Variants in EP400 observed in about 807,000 individuals in gnomAD.
The protein encoded by EP400 is E1A-binding protein p400.
EP400 carries 105 observed loss-of-function variants against 354.1 expected under a neutral mutation model. The ratio of observed to expected loss-of-function variants is 0.30; its 90% confidence interval spans 0.25 to 0.35. The LOEUF is 0.35. Among genes scored for constraint, EP400 ranks in the 10% least tolerant of loss-of-function variants. The pLI is 1.00. For missense variants in EP400, 3,280 were observed against 4,121.0 expected, an observed-to-expected ratio of 0.80 and a Z score of 5.59; for synonymous variants, 1,646 against 1,716.9, an observed-to-expected ratio of 0.96 and a Z score of 1.02.
At chr12:131,986,416 T>C in intron 5 of EP400, 98 bp from the exon 6 acceptor site, 1 of 1,224,602 alleles carries the variant, frequency 8.2e-7, no homozygotes, top group Non-Finnish European at 1.1e-6. Context: ...GTGCTGGCAG[T>C]GCGCGTCTCT....
chr12:132,062,850 T>C lies in EP400; in HGVS notation c.8334+149T>C, dbSNP rs915523478. ...TTTATGTAGGACGCGTGCTTCGTTT[T>C]ATTGGTCTAAAATTTCCCATGTCAT... is the stretch of plus-strand genomic sequence containing the variant. On this transcript the variant is annotated intron_variant, in intron 47 of 52. Coordinates refer to ENST00000389561, the MANE Select transcript of EP400 (RefSeq NM_015409.5). The C allele has an allele frequency of 8.7e-6, 9 of 1,030,624 alleles. 1 individual carries two copies. Among genetic ancestry groups the C allele is most frequent in the Middle Eastern group, 5.2e-4 (2 of 3,858 alleles). 63.8% of individuals were successfully genotyped at this position (1,030,624 alleles called of 1,614,324 possible). A position where few individuals can be genotyped will look rare whatever the true frequency, so the allele number is the denominator to read the frequency against.
chr12:132,069,719 G>C, intron 51 of EP400, 78 bp downstream of exon 51: 1 of 1,577,660 alleles, frequency 6.3e-7, no homozygotes, highest in East Asian at 2.2e-5. Flanking sequence ...CGCGGGCTTT[G>C]CGAGCTCCCA....
chr12:132,001,826 TATG>T (rs1893425683), intron 12 of EP400, among the ~76,000 whole-genome samples: 2 of 152,358 alleles, frequency 1.3e-5, no homozygotes, highest in South Asian at 4.1e-4. Context: ...TTTCCTAGGT[TATG>T]ATTATAGAGC....
Position 132,032,042 on chromosome 12 carries a change from G to A in EP400, c.5844G>A (p.Glu1948=). The A allele has an allele frequency of 1.2e-6, 2 of 1,614,210 alleles. No individual in the cohort carries two copies. Among genetic ancestry groups the A allele is most frequent in the Non-Finnish European group, 1.7e-6 (2 of 1,180,046 alleles). The change falls in exon 30 of 53, where the codon GAG becomes GAA. Residue 1948 remains glutamate, a synonymous_variant. Coordinates refer to ENST00000389561, the MANE Select transcript of EP400 (RefSeq NM_015409.5). ...GTACCACAGGTATAAACCTTGTAGA[G>A]GCGGACACCGTCGTGTTTTATGACA... The part of the protein sequence containing the change: ...HSRTTGINLV[E]ADTVVFYDND...
intron 32 of EP400, among the ~76,000 whole-genome samples, chr12:132,043,080 A>G (rs1418277105): frequency 6.6e-6 from 1 of 152,248 alleles, no homozygotes; most frequent in Non-Finnish European, 1.5e-5. Flanking sequence ...ACTCGATAGT[A>G]AGGTTAGCAA....
In EP400 at chr12:132,017,322, G is replaced by T. The variant is rs1021310451; in HGVS notation, c.3924-213G>T. ...GCTGTCTTTCCGTCAGCTCTGGTGG[G>T]GCGGATGTCATTCTCAATGGGGATG... On this transcript the variant is annotated intron_variant, in intron 19 of 52. Transcript: ENST00000389561. The surrounding 1 kb of genome is among the most constrained non-coding windows in gnomAD (Gnocchi z 5.0). Among the ~76,000 whole-genome samples the T allele has an allele frequency of 6.6e-6, 1 of 152,158 alleles. No homozygotes were observed. The highest frequency in any genetic ancestry group is 6.5e-5 in the Admixed American group (1 of 15,282).
At chr12:132,040,044 A>G (rs992940091) in intron 32 of EP400, among the ~76,000 whole-genome samples, 5 of 152,214 alleles carry the variant, frequency 3.3e-5, no homozygotes, top group Admixed American at 2.6e-4. Context: ...TGTCTCAAAG[A>G]TAAAATATGC....
chr12:132,036,208 C>T (rs543053639), intron 30 of EP400, among the ~76,000 whole-genome samples: 2 of 147,034 alleles, frequency 1.4e-5, no homozygotes, highest in East Asian at 4.1e-4. Context: ...TGGAAGCACA[C>T]AGCCAGGTTC....
intron 50 of EP400, chr12:132,068,905 T>A (rs2136617083): frequency 6.5e-6 from 1 of 152,944 alleles, no homozygotes; most frequent in East Asian, 1.9e-4. Flanking sequence ...TGAGCTGTGC[T>A]TGAGGGAGCA....
At position 132,029,976 on chromosome 12, in the gene EP400, A is replaced by T. The variant is rs753073914; in HGVS notation, c.5585-13A>T. 1.2e-6 allele frequency: 2 copies of T among 1,613,702 alleles called. No individual in the cohort carries two copies. The highest frequency in any genetic ancestry group is 8.5e-7 in the Non-Finnish European group (1 of 1,179,996). On this transcript the variant is annotated splice_polypyrimidine_tract_variant and intron_variant, in intron 28 of 52. Transcript: ENST00000389561. The surrounding 1 kb of genome is among the most constrained non-coding windows in gnomAD (Gnocchi z 4.7). The stretch of plus-strand genomic sequence containing the variant: ...TGGATGATGAGGCGCTCTTGATGTG[A>T]TTCGTTTCCCAGGGAAGTTGGAAGC...
chr12:131,963,456 G>A, intron 2 of EP400: 1 of 1,055,608 alleles, frequency 9.5e-7, no homozygotes, highest in Non-Finnish European at 1.4e-6. Context: ...TGAGCTATCA[G>A]CAATAAAATT....
Position 132,066,410 on chromosome 12 carries a change from G to A in EP400, c.8554-364G>A, listed in dbSNP as rs575285759. 4 of 221,696 alleles carry A rather than the reference G, an allele frequency of 1.8e-5. No homozygotes were observed. In the East Asian group the frequency reaches 6.0e-4, roughly 33 times the overall value. 13.7% of individuals were successfully genotyped at this position (221,696 alleles called of 1,614,324 possible). A position where few individuals can be genotyped will look rare whatever the true frequency, so the allele number is the denominator to read the frequency against. On this transcript the variant is annotated intron_variant, in intron 48 of 52. Coordinates refer to ENST00000389561, the MANE Select transcript of EP400 (RefSeq NM_015409.5). ...GAAGTGAGGGACAGGCTGATGTCGA[G>A]TGCTCGCTGAAGGAACAGGAAGTGA...
At chr12:132,023,992 C>A in intron 24 of EP400, 51 bp downstream of exon 24, 1 of 1,494,046 alleles carries the variant, frequency 6.7e-7, no homozygotes. Flanking sequence ...AAAAGCGCCT[C>A]ACCATGAGCC....
Position 132,066,947 on chromosome 12 carries a change from C to T in EP400, c.8727C>T (p.Ile2909=), listed in dbSNP as rs761229967. The T allele has an allele frequency of 1.2e-5, 20 of 1,602,198 alleles. No individual in the cohort carries two copies. The highest frequency in any genetic ancestry group is 2.3e-5 in the East Asian group (1 of 44,162). The change falls in exon 49 of 53, where the codon ATC becomes ATT. Residue 2909 remains isoleucine, a synonymous_variant. Coordinates refer to ENST00000389561, the MANE Select transcript of EP400 (RefSeq NM_015409.5). ...ACGTCGCGGGGATCAGCGTGGCGATCGGTCAGCCACAGAAGGCAGCAGGTG... is the reference window on the plus strand; with the variant it reads ...ACGTCGCGGGGATCAGCGTGGCGATTGGTCAGCCACAGAAGGCAGCAGGTG... ...PMNVAGISVA[I]GQPQKAAGQT...
In EP400 at chr12:132,018,012, A is replaced by G. The variant is rs1005275888; in HGVS notation, c.4111-198A>G. On this transcript the variant is annotated intron_variant, in intron 20 of 52. Coordinates refer to ENST00000389561, the MANE Select transcript of EP400 (RefSeq NM_015409.5). The surrounding 1 kb of genome is among the most constrained non-coding windows in gnomAD (Gnocchi z 4.0). The stretch of plus-strand genomic sequence containing the variant: ...GGCTGTGAGAAGTAGCTGAGCATGC[A>G]CGCTCATCAGCAGAGCTTCACCAAG... 1.3e-5 allele frequency among the ~76,000 whole-genome samples: 2 copies of G among 152,208 alleles called. No individual in the cohort carries two copies. The highest frequency in any genetic ancestry group is 6.5e-5 in the Admixed American group (1 of 15,282).
In EP400 at chr12:132,021,211, C is replaced by T. The variant is rs1341214745; in HGVS notation, c.4580C>T (p.Ser1527Phe). The change falls in exon 23 of 53, where the codon TCC becomes TTC. Residue 1527 changes from serine (S) to phenylalanine (F), a missense_variant. This residue lies in a region of EP400 where 342 missense variants were observed against 342.7 expected (regional missense o/e 1.00). Transcript: ENST00000389561. ...CGGGCCCAGACCACAGCACAGGCCT[C>T]CACCCCAGGCCAGCCCCCGCCCCAG... ...KLRAQTTAQA[S>F]TPGQPPPQPQ... 19 of 1,596,256 alleles carry T rather than the reference C, an allele frequency of 1.2e-5. No individual in the cohort carries two copies. Among genetic ancestry groups the T allele is most frequent in the Non-Finnish European group, 1.5e-5 (18 of 1,178,062 alleles).
At chr12:132,030,684 A>G (rs1894460114) in intron 29 of EP400, among the ~76,000 whole-genome samples, 1 of 152,224 alleles carries the variant, frequency 6.6e-6, no homozygotes, top group Admixed American at 6.5e-5. Context: ...AGGACCCTTT[A>G]CTTACATGAC....
rs1490912778 is a variant in EP400 at position 132,014,706 on chromosome 12, A to C, written c.3923+793A>C. ...CCACCTCAGCCTCAGCGTCCCTCAC[A>C]GGCACAGTCAGACACACTGGATCAG... is the stretch of plus-strand genomic sequence containing the variant. On this transcript the variant is annotated intron_variant, in intron 19 of 52. Coordinates refer to ENST00000389561, the MANE Select transcript of EP400 (RefSeq NM_015409.5). 2.6e-5 allele frequency among the ~76,000 whole-genome samples: 4 copies of C among 152,268 alleles called. No homozygotes were observed. The East Asian group carries it at 7.7e-4, about 29-fold the overall frequency.
chr12:132,036,787 T>C (rs148935493), intron 30 of EP400, among the ~76,000 whole-genome samples: 1,663 of 152,346 alleles, frequency 0.011, 32 homozygotes, highest in African/African-American at 0.038. Flanking sequence ...TAGATTTTCA[T>C]TTAAAGGCCA....
Sources: allele counts gnomAD v4.1 joint callset (sites outside exome capture counted in the v4.1 genomes callset), GRCh38; gene constraint gnomAD v4.1.1; regional missense constraint gnomAD v4.1.1; non-coding constraint Gnocchi (gnomAD v3.1); transcripts MANE v1.5; gene names NCBI Gene and HGNC (gene_info 2026-07-23, HGNC 2026-07-21).